The following ZFPM1 variants were observed in gnomAD, a reference collection of about 807,000 sequenced individuals.
ZFPM1 encodes zinc finger protein, FOG family member 1.
Under a neutral mutation model 46.3 loss-of-function variants are expected in ZFPM1, and 28 were observed. That is an observed-to-expected ratio of 0.60 (90% CI 0.45 to 0.83). The LOEUF is 0.83. Among genes scored for constraint, ZFPM1 ranks in the 40% least tolerant of loss-of-function variants. The pLI, the probability that ZFPM1 is intolerant of heterozygous loss-of-function variation, is 0.00. For missense variants in ZFPM1, 1,878 were observed against 1,432.4 expected, an observed-to-expected ratio of 1.31 and a Z score of -5.02; for synonymous variants, 957 against 675.9, an observed-to-expected ratio of 1.42 and a Z score of -6.45.
At chr16:88,527,264 C>A (rs954327692) in intron 5 of ZFPM1, among the ~76,000 whole-genome samples, 12 of 152,222 alleles carry the variant, frequency 7.9e-5, no homozygotes, top group African/African-American at 2.7e-4. Context: ...GCAGCAGGGA[C>A]CCCGACACCA....
chr16:88,532,101 G>A lies in ZFPM1; in HGVS notation c.812G>A (p.Gly271Asp), dbSNP rs1206721987. Residue 271 changes from glycine (G) to aspartate (D), a missense_variant, in exon 7 of 10, where the codon GGC becomes GAC. Physicochemically the swap from Gly to Asp is moderately conservative, Grantham distance 94. Transcript: ENST00000319555. Reference sequence around the variant, plus strand: ...TACTGCGCCAGCCGCCAGGGCACCGGCTCCCCGGCCGCAGCCGCCACAGAC... The same window carrying A: ...TACTGCGCCAGCCGCCAGGGCACCGACTCCCCGGCCGCAGCCGCCACAGAC... ...LYYCASRQGT[G>D]SPAAAATDEK... 3.7e-6 allele frequency: 6 copies of A among 1,612,370 alleles called. No individual in the cohort carries two copies. In the East Asian group the frequency reaches 1.1e-4, roughly 30 times the overall value.
In ZFPM1 at chr16:88,460,011, A is replaced by G. The variant is rs74662096; in HGVS notation, c.40+6333A>G. The stretch of plus-strand genomic sequence containing the variant: ...GTTCCAGGTCAGGGCAGCCCCTGAC[A>G]CCCACCCTCTAGCTGGCTGGCCCTT... On this transcript the variant is annotated intron_variant, in intron 1 of 9. Coordinates refer to ENST00000319555, the MANE Select transcript of ZFPM1 (RefSeq NM_153813.3). Among the ~76,000 whole-genome samples the G allele has an allele frequency of 5.7e-3, 866 of 151,396 alleles. 8 individuals carry two copies. Among genetic ancestry groups the G allele is most frequent in the African/African-American group, 0.02 (806 of 41,224 alleles).
At chr16:88,458,394 C>G (rs928081282) in intron 1 of ZFPM1, among the ~76,000 whole-genome samples, 1 of 152,242 alleles carries the variant, frequency 6.6e-6, no homozygotes, top group Non-Finnish European at 1.5e-5. Context: ...CTGGGACTGC[C>G]GTCAGCCCCG....
intron 1 of ZFPM1, among the ~76,000 whole-genome samples, chr16:88,453,974 C>T (rs1418037705): frequency 6.6e-6 from 1 of 152,160 alleles, no homozygotes; most frequent in Non-Finnish European, 1.5e-5. Flanking sequence ...GCCTGCCCCT[C>T]CCCCGCATCT....
At chr16:88,505,039 T>A (rs1417241448) in intron 3 of ZFPM1, among the ~76,000 whole-genome samples, 1 of 152,190 alleles carries the variant, frequency 6.6e-6, no homozygotes, top group African/African-American at 2.4e-5. Flanking sequence ...GCTGTTGTTC[T>A]GTGTCAAAAA....
intron 4 of ZFPM1, among the ~76,000 whole-genome samples, chr16:88,519,931 ATGAG>A (rs1911695880): frequency 6.9e-6 from 1 of 145,010 alleles, no homozygotes; most frequent in African/African-American, 2.6e-5. Flanking sequence ...GGATAGATGG[ATGAG>A]TGGATGGATG....
At chr16:88,512,749 A>G (rs1217923769) in intron 3 of ZFPM1, among the ~76,000 whole-genome samples, 1 of 152,118 alleles carries the variant, frequency 6.6e-6, no homozygotes. Context: ...AGATGAGCAC[A>G]CACCAGGAGC....
intron 1 of ZFPM1, among the ~76,000 whole-genome samples, chr16:88,466,213 C>T (rs1347221383): frequency 1.3e-5 from 2 of 152,170 alleles, no homozygotes; most frequent in Non-Finnish European, 2.9e-5. Flanking sequence ...TTCTGGGACC[C>T]CCAGTTGTAG....
At chr16:88,456,899 A>T (rs1202165479) in intron 1 of ZFPM1, among the ~76,000 whole-genome samples, 2 of 152,158 alleles carry the variant, frequency 1.3e-5, no homozygotes, top group East Asian at 3.8e-4. Context: ...ATAGAACCCT[A>T]GGCCATCTGG....
chr16:88,460,924 G>GGA (rs2142340020), intron 1 of ZFPM1, among the ~76,000 whole-genome samples: 1 of 119,392 alleles, frequency 8.4e-6, no homozygotes, highest in Non-Finnish European at 1.8e-5. Flanking sequence ...CCGAGGGGCG[G>GGA]GGCGGGAGGC....
rs1908889788 is a variant in ZFPM1, at chr16:88,480,656, A to AGC, written c.41-5282_41-5281dup. 1.3e-5 allele frequency among the ~76,000 whole-genome samples: 2 copies of AGC among 152,230 alleles called. No individual in the cohort carries two copies. Among genetic ancestry groups the AGC allele is most frequent in the South Asian group, 4.1e-4 (2 of 4,830 alleles). Reference sequence around the variant, plus strand: ...AGGCTCATCTCAAACACTGAGCCGGAGCAGGGTGCTCCCTGGGCCAGGGCC... The same window carrying AGC: ...AGGCTCATCTCAAACACTGAGCCGGAGCGCAGGGTGCTCCCTGGGCCAGGGCC... On this transcript the variant is annotated intron_variant, in intron 1 of 9. Coordinates refer to ENST00000319555, the MANE Select transcript of ZFPM1 (RefSeq NM_153813.3). This position sits in a 1 kb window ranked among gnomAD's most constrained non-coding sequence, Gnocchi z 4.9.
In ZFPM1 at chr16:88,501,310, TGATGGAGATAGCAGACATGGGTG is replaced by T. The variant is rs1288710691; in HGVS notation, c.268+12158_268+12180del. ...GGGGCCCTCCCGCAGGTGCTGGTGA[TGATGGAGATAGCAGACATGGGTG>T]CGGGGCCCTCCCGCAGGTGCTGGTG... On this transcript the variant is annotated intron_variant, in intron 3 of 9. Coordinates refer to ENST00000319555, the MANE Select transcript of ZFPM1 (RefSeq NM_153813.3). Among the ~76,000 whole-genome samples, 18 of 114,378 alleles carry T rather than the reference TGATGGAGATAGCAGACATGGGTG, an allele frequency of 1.6e-4. 3 individuals are homozygous for T. Among genetic ancestry groups the T allele is most frequent in the African/African-American group, 5.2e-4 (15 of 29,036 alleles). The allele number at this position is 114,378 out of a possible 152,430, so 75.0% of individuals were successfully genotyped here. A position where few individuals can be genotyped will look rare whatever the true frequency, so the allele number is the denominator to read the frequency against.
chr16:88,531,912 C>T (rs563066898), intron 6 of ZFPM1, 90 bp from the exon 7 acceptor site: 24 of 1,290,700 alleles, frequency 1.9e-5, no homozygotes, highest in Non-Finnish European at 1.9e-5. Context: ...CGGTGGGGTC[C>T]GTCACGGCCA....
At chr16:88,465,212 G>T (rs1460460718) in intron 1 of ZFPM1, among the ~76,000 whole-genome samples, 2 of 152,252 alleles carry the variant, frequency 1.3e-5, no homozygotes, top group African/African-American at 4.8e-5. Flanking sequence ...GCAGGGCCCG[G>T]GCTGGGGAGA....
intron 4 of ZFPM1, among the ~76,000 whole-genome samples, chr16:88,520,436 T>A (rs1005905367): frequency 6.8e-6 from 1 of 147,368 alleles, no homozygotes; most frequent in South Asian, 2.2e-4. Context: ...GATAGATGGA[T>A]GGATAGGTGG....
Position 88,534,642 on chromosome 16 carries a change from C to T in ZFPM1, c.2684C>T (p.Pro895Leu), listed in dbSNP as rs1377809190. The change falls in exon 10 of 10, where the codon CCG (proline) becomes CTG (leucine). Residue 895 changes from proline to leucine, a missense_variant. By Grantham distance (98) the Pro-to-Leu change is moderately conservative. Coordinates refer to ENST00000319555, the MANE Select transcript of ZFPM1 (RefSeq NM_153813.3). ...LAGPGVEART[P>L]ADRGPSPAPA... ...GGCCCGGGGGTCGAGGCCCGGACGC[C>T]GGCCGACCGCGGCCCCTCGCCCGCT... The T allele has an allele frequency of 3.9e-6, 4 of 1,032,082 alleles. No homozygotes were observed. In the East Asian group the frequency reaches 3.4e-4, roughly 89 times the overall value. The allele number at this position is 1,032,082 out of a possible 1,614,324, so 63.9% of individuals were successfully genotyped here. A position where few individuals can be genotyped will look rare whatever the true frequency, so the allele number is the denominator to read the frequency against.
intron 1 of ZFPM1, 82 bp downstream of exon 1, chr16:88,453,760 C>T (rs1162802168): frequency 5.8e-6 from 5 of 862,392 alleles, no homozygotes; most frequent in African/African-American, 1.8e-5. Context: ...CCCGCCCGTC[C>T]CCGCTCTGCC....
At chr16:88,526,171 C>A (rs1188172570) in intron 4 of ZFPM1, among the ~76,000 whole-genome samples, 1 of 152,240 alleles carries the variant, frequency 6.6e-6, no homozygotes, top group African/African-American at 2.4e-5. Context: ...TGCTCCCCAG[C>A]GTCCGCCGTG....
At chr16:88,505,554 T>C (rs1910602643) in intron 3 of ZFPM1, among the ~76,000 whole-genome samples, 1 of 151,686 alleles carries the variant, frequency 6.6e-6, no homozygotes, top group Non-Finnish European at 1.5e-5. Context: ...AGGGAGGAGG[T>C]GGGAGGGGCC....
Sources: gnomAD v4.1 joint callset for allele counts (sites outside exome capture counted in the v4.1 genomes callset) on GRCh38, gnomAD v4.1.1 for gene constraint, Gnocchi (gnomAD v3.1) non-coding constraint, MANE v1.5 for transcripts, NCBI Gene and HGNC (gene_info 2026-07-23, HGNC 2026-07-21) for gene names.